Variants in COL6A6 observed in about 807,000 individuals in gnomAD.
The protein encoded by COL6A6 is collagen type VI alpha 6 chain.
Under a neutral mutation model 208.6 loss-of-function variants are expected in COL6A6, and 183 were observed. The observed-to-expected ratio is 0.88, with a 90% CI of 0.78 to 0.99. The LOEUF is 0.99. Among genes scored for constraint, COL6A6 ranks in the 50% least tolerant of loss-of-function variants. The pLI, the probability that COL6A6 is intolerant of heterozygous loss-of-function variation, is 0.00. For missense variants in COL6A6, 2,816 were observed against 2,815.2 expected, an observed-to-expected ratio of 1.00 and a Z score of -0.01; for synonymous variants, 973 against 1,011.8, an observed-to-expected ratio of 0.96 and a Z score of 0.73.
intron 1 of COL6A6, among the ~76,000 whole-genome samples, chr3:130,555,270 C>T (rs1004623019): frequency 1.8e-4 from 27 of 152,134 alleles, no homozygotes; most frequent in African/African-American, 5.8e-4. Context: ...CAAGTTGCTC[C>T]TCACCTGTTG....
intron 20 of COL6A6, 80 bp downstream of exon 20, chr3:130,599,890 G>C: frequency 7.5e-7 from 1 of 1,329,896 alleles, no homozygotes; most frequent in Non-Finnish European, 1.1e-6. Context: ...TGGGGGAGTG[G>C]GTGGGATGGT....
chr3:130,570,164 A>G (rs144976544), intron 6 of COL6A6, among the ~76,000 whole-genome samples: 374 of 152,366 alleles, frequency 2.5e-3, no homozygotes, highest in African/African-American at 8.5e-3. Context: ...TTTCTGTTCC[A>G]TGGTGCTGAC....
rs944530004 is a variant in COL6A6 at position 130,592,741 on chromosome 3, C to T, written c.4371+19C>T. On this transcript the variant is annotated intron_variant, in intron 15 of 36. Coordinates refer to ENST00000358511, the MANE Select transcript of COL6A6 (RefSeq NM_001102608.3). Reference sequence around the variant, plus strand: ...ACAGGAGGTATGTTACCAGGCACATCCATTTACCTACCCATATGTTATCTA... The same window carrying T: ...ACAGGAGGTATGTTACCAGGCACATTCATTTACCTACCCATATGTTATCTA... The T allele has an allele frequency of 6.3e-6, 10 of 1,594,590 alleles. No homozygotes were observed. Among genetic ancestry groups the T allele is most frequent in the Admixed American group, 3.3e-5 (2 of 59,754 alleles).
chr3:130,596,187 G>T (rs1228439758), intron 18 of COL6A6, among the ~76,000 whole-genome samples: 1 of 152,148 alleles, frequency 6.6e-6, no homozygotes, highest in South Asian at 2.1e-4. Flanking sequence ...TTCTGATAAT[G>T]GTGTCCTGAG....
intron 1 of COL6A6, among the ~76,000 whole-genome samples, chr3:130,522,038 C>G (rs961321193): frequency 1.3e-5 from 2 of 152,182 alleles, no homozygotes; most frequent in African/African-American, 4.8e-5. Flanking sequence ...AGAACCCAGT[C>G]TACCATAAAC....
At chr3:130,613,310 G>T (rs1278144818) in intron 23 of COL6A6, among the ~76,000 whole-genome samples, 1 of 152,136 alleles carries the variant, frequency 6.6e-6, no homozygotes, top group African/African-American at 2.4e-5. Context: ...CTTTGTCAAA[G>T]ATCAGATAGT....
rs867029938 is a variant in COL6A6 at position 130,623,567 on chromosome 3, A to G, written c.4878+1684A>G. On this transcript the variant is annotated intron_variant, in intron 24 of 36. Coordinates refer to ENST00000358511, the MANE Select transcript of COL6A6 (RefSeq NM_001102608.3). ...GATTAGGTGACTTAACGGGGTGAGG[A>G]CTTAACTTGTGATGATTCCATAGAA... 2.6e-5 allele frequency among the ~76,000 whole-genome samples: 4 copies of G among 151,978 alleles called. No individual in the cohort carries two copies. The South Asian group carries it at 8.3e-4, about 32-fold the overall frequency.
chr3:130,527,991 T>C (rs1228002040), intron 1 of COL6A6, among the ~76,000 whole-genome samples: 2 of 151,570 alleles, frequency 1.3e-5, no homozygotes, highest in Admixed American at 1.3e-4. Flanking sequence ...CAGAGCTGTT[T>C]CTGATGCTCT....
In COL6A6 at chr3:130,676,860, C is replaced by T. The variant is rs2066371684; in HGVS notation, c.*1463C>T. Reference sequence around the variant, plus strand: ...CTATCCTAAGTGGTGCTTAGGGGTTCAGAAAAAATGTTTCAAGTACAGGAA... The same window carrying T: ...CTATCCTAAGTGGTGCTTAGGGGTTTAGAAAAAATGTTTCAAGTACAGGAA... On this transcript the variant is annotated 3_prime_UTR_variant, in exon 37 of 37. Coordinates refer to ENST00000358511, the MANE Select transcript of COL6A6 (RefSeq NM_001102608.3). 6.6e-6 allele frequency: 1 copy of T among 152,004 alleles called. No homozygotes were observed. The highest frequency in any genetic ancestry group is 2.4e-5 in the African/African-American group (1 of 41,390). The allele number at this position is 152,004 out of a possible 1,614,324, so 9.4% of individuals were successfully genotyped here.
chr3:130,559,768 G>A (rs2107843457), intron 1 of COL6A6, among the ~76,000 whole-genome samples: 1 of 152,306 alleles, frequency 6.6e-6, no homozygotes, highest in South Asian at 2.1e-4. Context: ...AATGGTGTAA[G>A]CTGAGCTCCT....
chr3:130,555,861 C>T (rs1167013197), intron 1 of COL6A6, among the ~76,000 whole-genome samples: 1 of 151,406 alleles, frequency 6.6e-6, no homozygotes, highest in African/African-American at 2.4e-5. Context: ...TTCTGAGAAA[C>T]TCAACTTGAT....
intron 33 of COL6A6, among the ~76,000 whole-genome samples, chr3:130,657,315 C>T (rs891117982): frequency 1.7e-4 from 26 of 152,246 alleles, no homozygotes; most frequent in Non-Finnish European, 3.2e-4. Context: ...CTGCAGCCAG[C>T]ATCATGGCAG....
In COL6A6 at chr3:130,574,087, G is replaced by C; in HGVS notation, c.3109G>C (p.Val1037Leu). 3 of 1,613,994 alleles carry C rather than the reference G, an allele frequency of 1.9e-6. No homozygotes were observed. The highest frequency in any genetic ancestry group is 2.5e-6 in the Non-Finnish European group (3 of 1,179,886). Residue 1037 changes from valine to leucine, a missense_variant, in exon 8 of 37, where the codon GTG becomes CTG. By Grantham distance (32) the Val-to-Leu change is conservative (BLOSUM62 1). Transcript: ENST00000358511. ...AGACTTTGATGTCAGCCTCAACAGA[G>C]TGCGAATAGGAGCGGCCCAGTTTAG... is the stretch of plus-strand genomic sequence containing the variant. ...VQDFDVSLNR[V>L]RIGAAQFSDT...
At position 130,635,756 on chromosome 3, in the gene COL6A6, A is replaced by G; in HGVS notation, c.5086A>G (p.Lys1696Glu). The change falls in exon 28 of 37, where the codon AAA becomes GAA. Residue 1696 changes from lysine to glutamate, a missense_variant. Coordinates refer to ENST00000358511, the MANE Select transcript of COL6A6 (RefSeq NM_001102608.3). ...GETGLKGARG[K>E]MISAGLPGEM... ...GACTGGGCTGAAGGGAGCTAGAGGC[A>G]AAATGGTAAGCTTCTTAGATTCCAA... The G allele has an allele frequency of 6.2e-7, 1 of 1,611,002 alleles. No homozygotes were observed. The highest frequency in any genetic ancestry group is 8.5e-7 in the Non-Finnish European group (1 of 1,177,428).
At chr3:130,598,030 A>C (rs1003231312) in intron 18 of COL6A6, among the ~76,000 whole-genome samples, 1 of 152,166 alleles carries the variant, frequency 6.6e-6, no homozygotes, top group Non-Finnish European at 1.5e-5. Context: ...AGTTAAGAGA[A>C]GGGGTGGCAG....
intron 36 of COL6A6, among the ~76,000 whole-genome samples, chr3:130,671,216 C>T (rs59964725): frequency 0.047 from 7,192 of 152,274 alleles, 540 homozygotes; most frequent in African/African-American, 0.15. Flanking sequence ...CGGCTCTCCA[C>T]ATATGTAGCC....
intron 33 of COL6A6, among the ~76,000 whole-genome samples, chr3:130,656,680 C>T (rs2065797004): frequency 6.6e-6 from 1 of 152,240 alleles, no homozygotes; most frequent in African/African-American, 2.4e-5. Context: ...GCCTGTCTGC[C>T]TCCTTCTGTC....
intron 1 of COL6A6, among the ~76,000 whole-genome samples, chr3:130,522,602 C>G (rs1377518003): frequency 6.6e-6 from 1 of 152,178 alleles, no homozygotes; most frequent in Non-Finnish European, 1.5e-5. Context: ...AGATATCTAA[C>G]TGCCCACAAG....
At position 130,566,871 on chromosome 3, in the gene COL6A6, G is replaced by A. The variant is rs759679482; in HGVS notation, c.1452G>A (p.Trp484Ter). 2.5e-6 allele frequency: 4 copies of A among 1,613,930 alleles called. No homozygotes were observed. In the South Asian group the frequency reaches 4.4e-5, roughly 18 times the overall value. ...GGGCCGTTCAGTATGCTGACAGCTG[G>A]GACTTGGAATTTGAGATCAATAAAT... Reference protein sequence around the residue: ...RVGAVQYADSWDLEFEINKYS... With the variant: ...RVGAVQYADS Residue 484 changes from tryptophan to a stop codon, truncating the protein, a stop_gained, in exon 5 of 37, where the codon TGG (tryptophan) becomes TGA (stop). Coordinates refer to ENST00000358511, the MANE Select transcript of COL6A6 (RefSeq NM_001102608.3). LOFTEE classifies it high-confidence loss of function.
Sources: allele counts gnomAD v4.1 joint callset (sites outside exome capture counted in the v4.1 genomes callset), GRCh38; gene constraint gnomAD v4.1.1; transcripts MANE v1.5; gene names NCBI Gene and HGNC (gene_info 2026-07-23, HGNC 2026-07-21).